The following ELOVL2 variants were observed in gnomAD, a reference collection of about 807,000 sequenced individuals.
ELOVL2 encodes very long chain fatty acid elongase 2.
A neutral mutation model predicts 37.7 loss-of-function variants in ELOVL2; 38 were observed. The ratio of observed to expected loss-of-function variants is 1.01; its 90% CI spans 0.78 to 1.32. The LOEUF is 1.32. Among genes scored for constraint, ELOVL2 ranks in the 40% most tolerant of loss-of-function variants. The probability of loss-of-function intolerance (pLI) is 0.00; values close to 1 mark genes in which losing one functional copy is unlikely to be tolerated. For missense variants in ELOVL2, 352 were observed against 363.6 expected (o/e 0.97, Z 0.26); for synonymous variants, 115 against 122.3 (o/e 0.94, Z 0.40).
intron 5 of ELOVL2, among the ~76,000 whole-genome samples, chr6:10,992,801 AAAAAAAAAC>A (rs1322152709): frequency 9.6e-5 from 7 of 73,056 alleles, no homozygotes; most frequent in South Asian, 5.5e-4. Flanking sequence ...AAAACAAAAC[AAAAAAAAAC>A]AAAAAAAAAC....
intron 4 of ELOVL2, among the ~76,000 whole-genome samples, chr6:10,998,144 T>C (rs1302804601): frequency 6.6e-6 from 1 of 152,166 alleles, no homozygotes; most frequent in East Asian, 1.9e-4. Flanking sequence ...CCTTCCACCA[T>C]GATTATAGGC....
At chr6:11,031,335 T>A (rs571510285) in intron 1 of ELOVL2, among the ~76,000 whole-genome samples, 46 of 152,354 alleles carry the variant, frequency 3.0e-4, no homozygotes, top group African/African-American at 1.1e-3. Flanking sequence ...ACATTTTTAT[T>A]TGAAAACTAC....
intron 4 of ELOVL2, among the ~76,000 whole-genome samples, chr6:10,999,380 C>CCT (rs1554111644): frequency 3.9e-4 from 56 of 142,508 alleles, no homozygotes; most frequent in Non-Finnish European, 7.5e-4. Flanking sequence ...AAAGGAAATG[C>CCT]TTTTTTTTTT....
At position 10,981,441 on chromosome 6, in the gene ELOVL2, C is replaced by T. The variant is rs1052552250; in HGVS notation, c.*2340G>A. 1 of 152,314 alleles carries T rather than the reference C, an allele frequency of 6.6e-6. No homozygotes were observed. The highest frequency in any genetic ancestry group is 1.5e-5 in the Non-Finnish European group (1 of 67,984). 9.4% of individuals were successfully genotyped at this position (152,314 alleles called of 1,614,324 possible). A position where few individuals can be genotyped will look rare whatever the true frequency, so the allele number is the denominator to read the frequency against. On this transcript the variant is annotated 3_prime_UTR_variant, in exon 8 of 8. Coordinates refer to ENST00000354666, the MANE Select transcript of ELOVL2 (RefSeq NM_017770.4). ...ATTTCATAACTATTTTTTTAATTAGCCCTTGAATGGTTTAAGGCTATAAGT... is the reference window on the plus strand; with the variant it reads ...ATTTCATAACTATTTTTTTAATTAGTCCTTGAATGGTTTAAGGCTATAAGT...
Position 10,981,618 on chromosome 6 carries a change from G to A in ELOVL2, c.*2163C>T, listed in dbSNP as rs1406468966. 6.6e-6 allele frequency: 1 copy of A among 152,426 alleles called. No individual in the cohort carries two copies. Among genetic ancestry groups the A allele is most frequent in the Non-Finnish European group, 1.5e-5 (1 of 68,042 alleles). The allele number at this position is 152,426 out of a possible 1,614,324, so 9.4% of individuals were successfully genotyped here. A position where few individuals can be genotyped will look rare whatever the true frequency, so the allele number is the denominator to read the frequency against. ...GGTTTCAAGCTGCCTTGTACTTAAA[G>A]CTGCTTGACTTTGTCTGCTGAAGGA... is the stretch of plus-strand genomic sequence containing the variant. On this transcript the variant is annotated 3_prime_UTR_variant, in exon 8 of 8. Transcript: ENST00000354666.
intron 1 of ELOVL2, among the ~76,000 whole-genome samples, chr6:11,012,640 T>C (rs937574663): frequency 3.9e-5 from 6 of 152,166 alleles, no homozygotes; most frequent in South Asian, 2.1e-4. Flanking sequence ...TATTTCTATA[T>C]TGCAAAAATT....
In ELOVL2 at chr6:11,029,223, C is replaced by CAAAAAAAAAAAAAAAAAA. The variant is rs376639413; in HGVS notation, c.3+14987_3+15004dup. Among the ~76,000 whole-genome samples the CAAAAAAAAAAAAAAAAAA allele has an allele frequency of 2.5e-4, 19 of 75,804 alleles. 1 individual carries two copies. Among genetic ancestry groups the CAAAAAAAAAAAAAAAAAA allele is most frequent in the African/African-American group, 8.8e-4 (17 of 19,276 alleles). The allele number at this position is 75,804 out of a possible 152,430, so 49.7% of individuals were successfully genotyped here. A position where few individuals can be genotyped will look rare whatever the true frequency, so the allele number is the denominator to read the frequency against. ...AGCCCGGGGCGACAGAGGGAGATCT[C>CAAAAAAAAAAAAAAAAAA]AAAAAAAAAAAAAAAAAAAAAAAAA... On this transcript the variant is annotated intron_variant, in intron 1 of 7. Coordinates refer to ENST00000354666, the MANE Select transcript of ELOVL2 (RefSeq NM_017770.4).
chr6:11,032,644 G>C (rs1371326145), intron 1 of ELOVL2, among the ~76,000 whole-genome samples: 3 of 152,206 alleles, frequency 2.0e-5, no homozygotes, highest in Non-Finnish European at 4.4e-5. Flanking sequence ...TCAAACATGG[G>C]AAAGTGACTT....
intron 1 of ELOVL2, among the ~76,000 whole-genome samples, chr6:11,013,748 GA>G (rs1782623172): frequency 6.6e-6 from 1 of 151,794 alleles, no homozygotes; most frequent in East Asian, 1.9e-4. Flanking sequence ...AAGATGGTTA[GA>G]ATTGGGTGGA....
chr6:10,991,482 T>C (rs1782157186), intron 5 of ELOVL2, among the ~76,000 whole-genome samples: 1 of 152,218 alleles, frequency 6.6e-6, no homozygotes, highest in Non-Finnish European at 1.5e-5. Context: ...TAATAATAAC[T>C]AGCTCTTAAG....
At chr6:10,991,625 T>A (rs1782160344) in intron 5 of ELOVL2, among the ~76,000 whole-genome samples, 2 of 152,178 alleles carry the variant, frequency 1.3e-5, no homozygotes. Context: ...AAATGCAAAT[T>A]AATAAATAAG....
intron 1 of ELOVL2, among the ~76,000 whole-genome samples, 199 bp from the exon 2 acceptor site, chr6:11,011,008 A>C (rs1286304732): frequency 6.6e-6 from 1 of 152,144 alleles, no homozygotes; most frequent in Non-Finnish European, 1.5e-5. Flanking sequence ...ATTTGGAAGG[A>C]AACAATTCCT....
intron 5 of ELOVL2, among the ~76,000 whole-genome samples, chr6:10,991,703 G>A (rs951679956): frequency 7.9e-5 from 12 of 152,104 alleles, no homozygotes; most frequent in Non-Finnish European, 1.6e-4. Flanking sequence ...AAACTGTTAC[G>A]GCGCTTGAAT....
chr6:10,999,054 G>A (rs373935334), intron 4 of ELOVL2, among the ~76,000 whole-genome samples: 1 of 151,888 alleles, frequency 6.6e-6, no homozygotes, highest in African/African-American at 2.4e-5. Context: ...AAGCAATACC[G>A]ATGTTATTAA....
chr6:11,010,844 T>G, intron 1 of ELOVL2, 35 bp from the exon 2 acceptor site: 1 of 1,537,652 alleles, frequency 6.5e-7, no homozygotes, highest in South Asian at 1.2e-5. Flanking sequence ...TTAAGTGTTT[T>G]TTTCTTCTTT....
chr6:11,039,029 T>C (rs1783059352), intron 1 of ELOVL2, among the ~76,000 whole-genome samples: 1 of 152,142 alleles, frequency 6.6e-6, no homozygotes, highest in African/African-American at 2.4e-5. Flanking sequence ...CCAGTTTTAG[T>C]AGAGTGGTTA....
chr6:11,026,389 C>T (rs997558087), intron 1 of ELOVL2, among the ~76,000 whole-genome samples: 15 of 152,214 alleles, frequency 9.9e-5, no homozygotes, highest in Admixed American at 6.5e-4. Context: ...CTGTAACCAG[C>T]AAGTAGTAGT....
chr6:11,016,535 TTTCGTACTAAC>T (rs1782688465), intron 1 of ELOVL2, among the ~76,000 whole-genome samples: 1 of 152,170 alleles, frequency 6.6e-6, no homozygotes, highest in African/African-American at 2.4e-5. Context: ...AATGAATAGA[TTTCGTACTAAC>T]CTAACACAAT....
chr6:11,027,443 T>C (rs1041938885), intron 1 of ELOVL2, among the ~76,000 whole-genome samples: 5 of 152,218 alleles, frequency 3.3e-5, no homozygotes, highest in African/African-American at 1.2e-4. Flanking sequence ...ATAATTCTGA[T>C]AGAAATTTAC....
Sources: gnomAD v4.1 joint callset for allele counts (sites outside exome capture counted in the v4.1 genomes callset) on GRCh38, gnomAD v4.1.1 for gene constraint, MANE v1.5 for transcripts, NCBI Gene and HGNC (gene_info 2026-07-23, HGNC 2026-07-21) for gene names.